AGAP1: variants seen among roughly 807,000 people sequenced by gnomAD.
AGAP1 encodes the protein ArfGAP with GTPase domain, ankyrin repeat and PH domain 1.
In AGAP1, 29 loss-of-function variants were observed where a neutral mutation model predicts 105.3. That is an observed-to-expected ratio of 0.28 (90% CI 0.21 to 0.38). The LOEUF is 0.38. AGAP1 is among the 10% of genes least tolerant of loss of function. The probability of loss-of-function intolerance (pLI) is 1.00; values close to 1 mark genes in which losing one functional copy is unlikely to be tolerated. For missense variants in AGAP1, 998 were observed against 1,165.1 expected (o/e 0.86, Z 2.09); for synonymous variants, 509 against 485.9 (o/e 1.05, Z -0.63).
chr2:235,907,659 A>T (rs902540388), intron 10 of AGAP1, among the ~76,000 whole-genome samples: 1 of 152,040 alleles, frequency 6.6e-6, no homozygotes, highest in African/African-American at 2.4e-5. Flanking sequence ...TTCATGGGGG[A>T]TTGGCTCCAG....
At position 235,981,905 on chromosome 2, in the gene AGAP1, G is replaced by T. The variant is rs1201448152; in HGVS notation, c.1645+13282G>T. On this transcript the variant is annotated intron_variant, in intron 13 of 17. Coordinates refer to ENST00000304032, the MANE Select transcript of AGAP1 (RefSeq NM_001037131.3). The surrounding 1 kb of genome is among the most constrained non-coding windows in gnomAD (Gnocchi z 5.5). ...GGGCGCTTGTCTTTTCAGCGGTCTTGCCTCCGAATCTTGGCTTGTCTAGGA... is the reference window on the plus strand; with the variant it reads ...GGGCGCTTGTCTTTTCAGCGGTCTTTCCTCCGAATCTTGGCTTGTCTAGGA... Among the ~76,000 whole-genome samples, 1 of 152,170 alleles carries T rather than the reference G, an allele frequency of 6.6e-6. No individual in the cohort carries two copies. The highest frequency in any genetic ancestry group is 1.5e-5 in the Non-Finnish European group (1 of 68,030).
rs1156351706 is a variant in AGAP1, at chr2:235,736,698, G to A, written c.311-4265G>A. Among the ~76,000 whole-genome samples the A allele has an allele frequency of 1.3e-5, 2 of 152,144 alleles. No individual in the cohort carries two copies. The highest frequency in any genetic ancestry group is 1.5e-5 in the Non-Finnish European group (1 of 68,030). On this transcript the variant is annotated intron_variant, in intron 3 of 17. Coordinates refer to ENST00000304032, the MANE Select transcript of AGAP1 (RefSeq NM_001037131.3). This position sits in a 1 kb window ranked among gnomAD's most constrained non-coding sequence, Gnocchi z 5.5. Reference sequence around the variant, plus strand: ...AATGAGGCCCCATCTCATCTATCCAGGTGTGGCGGCACATGTCCGTGGTCC... The same window carrying A: ...AATGAGGCCCCATCTCATCTATCCAAGTGTGGCGGCACATGTCCGTGGTCC...
chr2:235,600,902 C>T lies in AGAP1; in HGVS notation c.163+106053C>T, dbSNP rs1945707312. ...TTGACACTCAGTATTAACCAGCATA[C>T]CCACCATTGTTTCACCTGCAGCCTC... On this transcript the variant is annotated intron_variant, in intron 1 of 17. Transcript: ENST00000304032. The surrounding 1 kb of genome is among the most constrained non-coding windows in gnomAD (Gnocchi z 4.8). Among the ~76,000 whole-genome samples the T allele has an allele frequency of 6.6e-6, 1 of 152,164 alleles. No homozygotes were observed. Among genetic ancestry groups the T allele is most frequent in the Non-Finnish European group, 1.5e-5 (1 of 68,042 alleles).
At chr2:235,926,013 C>T in intron 11 of AGAP1, among the ~76,000 whole-genome samples, 1 of 152,220 alleles carries the variant, frequency 6.6e-6, no homozygotes, top group East Asian at 1.9e-4. Context: ...TAAACAGAGG[C>T]TTTTTTTATG....
rs1424709594 is a variant in AGAP1 at position 236,090,528 on chromosome 2, G to A, written c.2115-29664G>A. 6.6e-6 allele frequency among the ~76,000 whole-genome samples: 1 copy of A among 152,174 alleles called. No individual in the cohort carries two copies. Among genetic ancestry groups the A allele is most frequent in the Non-Finnish European group, 1.5e-5 (1 of 68,038 alleles). On this transcript the variant is annotated intron_variant, in intron 16 of 17. Transcript: ENST00000304032. This position sits in a 1 kb window ranked among gnomAD's most constrained non-coding sequence, Gnocchi z 4.3. ...AACAGAGGCATGGAAAAGCAAACGG[G>A]CTTTGCCAAGCGAGTGAGAGGCGGG...
At position 235,716,026 on chromosome 2, in the gene AGAP1, G is replaced by A. The variant is rs1040681236; in HGVS notation, c.223-1531G>A. Among the ~76,000 whole-genome samples the A allele has an allele frequency of 6.6e-6, 1 of 152,228 alleles. No homozygotes were observed. Among genetic ancestry groups the A allele is most frequent in the Non-Finnish European group, 1.5e-5 (1 of 68,038 alleles). ...AAGTAGGGGCGCCTGGAGCTGGGGT[G>A]GACGGCGGCCAGGGGATGCGATTTG... On this transcript the variant is annotated intron_variant, in intron 2 of 17. Coordinates refer to ENST00000304032, the MANE Select transcript of AGAP1 (RefSeq NM_001037131.3). This position sits in a 1 kb window ranked among gnomAD's most constrained non-coding sequence, Gnocchi z 4.0.
rs556038330 is a variant in AGAP1, at chr2:235,744,167, T to G, written c.397-531T>G. 1.3e-4 allele frequency among the ~76,000 whole-genome samples: 20 copies of G among 152,198 alleles called. No homozygotes were observed. The highest frequency in any genetic ancestry group is 2.4e-4 in the Non-Finnish European group (16 of 68,048). On this transcript the variant is annotated intron_variant, in intron 4 of 17. Transcript: ENST00000304032. The surrounding 1 kb of genome is among the most constrained non-coding windows in gnomAD (Gnocchi z 5.2). ...GGTGCAGCAGGAGTTCAGCCAAGGA[T>G]GAGCCTGGGTTGAATCTTTACCCTT...
At chr2:235,997,891 G>A (rs775160498) in intron 13 of AGAP1, among the ~76,000 whole-genome samples, 7 of 151,946 alleles carry the variant, frequency 4.6e-5, no homozygotes, top group South Asian at 2.1e-4. Flanking sequence ...AGCCACAGTC[G>A]TCTTCCACGT....
At chr2:235,704,888 G>A (rs1165403477) in intron 1 of AGAP1, among the ~76,000 whole-genome samples, 4 of 151,808 alleles carry the variant, frequency 2.6e-5, no homozygotes, top group Admixed American at 2.0e-4. Flanking sequence ...TGCAGTGGTC[G>A]GCGAGCCCGG....
At chr2:235,495,103 G>T (rs2148988911) in intron 1 of AGAP1, among the ~76,000 whole-genome samples, 1 of 152,294 alleles carries the variant, frequency 6.6e-6, no homozygotes, top group South Asian at 2.1e-4. Context: ...CTCTCCTGCG[G>T]GAAAGTGGCT....
intron 8 of AGAP1, among the ~76,000 whole-genome samples, chr2:235,803,022 G>GGTGATGGCTGTGGTGA (rs1957629492): frequency 5.4e-3 from 26 of 4,830 alleles, no homozygotes; most frequent in Non-Finnish European, 8.8e-3. Context: ...TGTGATGGTG[G>GGTGATGGCTGTGGTGA]TGATGGTTGT....
intron 1 of AGAP1, among the ~76,000 whole-genome samples, chr2:235,673,568 T>TA (rs1559333946): frequency 6.6e-6 from 1 of 152,232 alleles, no homozygotes; most frequent in Non-Finnish European, 1.5e-5. Context: ...AAATAGTGAT[T>TA]AAAAATAGCC....
At chr2:235,541,179 C>A (rs1452608610) in intron 1 of AGAP1, among the ~76,000 whole-genome samples, 1 of 151,938 alleles carries the variant, frequency 6.6e-6, no homozygotes, top group African/African-American at 2.4e-5. Context: ...CATAGATTTG[C>A]CTCACACAAA....
intron 16 of AGAP1, among the ~76,000 whole-genome samples, chr2:236,067,312 C>A (rs1228495991): frequency 6.6e-6 from 1 of 152,166 alleles, no homozygotes; most frequent in East Asian, 1.9e-4. Flanking sequence ...AACACCTAAT[C>A]TTCTCAATAG....
chr2:236,036,642 G>A lies in AGAP1; in HGVS notation c.1727G>A (p.Arg576Gln), dbSNP rs971441146. The A allele has an allele frequency of 3.7e-6, 6 of 1,614,218 alleles. No individual in the cohort carries two copies. Among genetic ancestry groups the A allele is most frequent in the African/African-American group, 2.7e-5 (2 of 75,066 alleles). The stretch of plus-strand genomic sequence containing the variant: ...TTTGAAGCCACGACGTATGAGGAGC[G>A]GGACGCCTGGGTCCAAGCCATCGAG... ...WHFEATTYEE[R>Q]DAWVQAIESQ... The change falls in exon 14 of 18, where the codon CGG becomes CAG. Residue 576 changes from arginine (R) to glutamine (Q), a missense_variant. Arg to Gln is a conservative substitution (Grantham distance 43). Transcript: ENST00000304032. This position sits in a 1 kb window ranked among gnomAD's most constrained non-coding sequence, Gnocchi z 5.7.
At position 235,861,554 on chromosome 2, in the gene AGAP1, C is replaced by T. The variant is rs1030790537; in HGVS notation, c.1051-21791C>T. On this transcript the variant is annotated intron_variant, in intron 9 of 17. Transcript: ENST00000304032. Reference sequence around the variant, plus strand: ...AATGAAACACATCCAAGCTGTCCCACGTTAACTGTCACCTCTGTCACCCAC... The same window carrying T: ...AATGAAACACATCCAAGCTGTCCCATGTTAACTGTCACCTCTGTCACCCAC... Among the ~76,000 whole-genome samples the T allele has an allele frequency of 5.9e-5, 9 of 152,214 alleles. No individual in the cohort carries two copies. The South Asian group carries it at 1.4e-3, about 24-fold the overall frequency.
chr2:235,633,223 A>G lies in AGAP1; in HGVS notation c.164-75956A>G, dbSNP rs937512867. On this transcript the variant is annotated intron_variant, in intron 1 of 17. Transcript: ENST00000304032. This position sits in a 1 kb window ranked among gnomAD's most constrained non-coding sequence, Gnocchi z 4.8. ...CGGGAGCCTACGGAATGAAGACCCG[A>G]AGATTCAGGGGAGGTCGTCTGTGTG... Among the ~76,000 whole-genome samples the G allele has an allele frequency of 1.3e-5, 2 of 152,132 alleles. No homozygotes were observed. The highest frequency in any genetic ancestry group is 2.4e-5 in the African/African-American group (1 of 41,410).
At chr2:235,688,411 G>C (rs1199620371) in intron 1 of AGAP1, among the ~76,000 whole-genome samples, 1 of 152,090 alleles carries the variant, frequency 6.6e-6, no homozygotes, top group Non-Finnish European at 1.5e-5. Context: ...TCTCTGGAAG[G>C]TCATGACGGT....
intron 13 of AGAP1, among the ~76,000 whole-genome samples, chr2:236,004,103 CA>C (rs1439814437): frequency 1.3e-5 from 2 of 152,144 alleles, no homozygotes; most frequent in Non-Finnish European, 2.9e-5. Flanking sequence ...TGAGTGACTG[CA>C]AACCCTCCTC....
Sources: gnomAD v4.1 joint callset for allele counts (sites outside exome capture counted in the v4.1 genomes callset) on GRCh38, gnomAD v4.1.1 for gene constraint, Gnocchi (gnomAD v3.1) non-coding constraint, MANE v1.5 for transcripts, NCBI Gene and HGNC (gene_info 2026-07-23, HGNC 2026-07-21) for gene names.